Variants in MAPRE3 observed in about 807,000 individuals in gnomAD.
The protein encoded by MAPRE3 is microtubule associated protein RP/EB family member 3.
Under a neutral mutation model 30.5 loss-of-function variants are expected in MAPRE3, and 2 were observed. The observed-to-expected ratio is 0.07, with a 90% CI of 0.03 to 0.21. MAPRE3 has a LOEUF of 0.21. Ranked by LOEUF, MAPRE3 falls within the 10% of genes least tolerant of loss-of-function variation. MAPRE3 has a pLI of 1.00. For synonymous variants in MAPRE3, 110 were observed against 127.7 expected (o/e 0.86, Z 0.93); for missense variants, 204 against 351.8 (o/e 0.58, Z 3.36).
chr2:26,993,031 A>G (rs1296816023), intron 1 of MAPRE3, among the ~76,000 whole-genome samples: 1 of 152,160 alleles, frequency 6.6e-6, no homozygotes, highest in Non-Finnish European at 1.5e-5. Flanking sequence ...TTCTCTGGAA[A>G]TACCATGCAT....
intron 1 of MAPRE3, among the ~76,000 whole-genome samples, chr2:26,988,758 G>T (rs1666268265): frequency 6.6e-6 from 1 of 152,178 alleles, no homozygotes; most frequent in South Asian, 2.1e-4. Flanking sequence ...GTCCCTCTCT[G>T]AGGGTGGCCC....
intron 6 of MAPRE3, 53 bp from the exon 7 acceptor site, chr2:27,026,222 TGAGAA>T: frequency 6.5e-7 from 1 of 1,528,830 alleles, no homozygotes; most frequent in East Asian, 2.3e-5. Context: ...TTACAGAACC[TGAGAA>T]GCCCTGCCTG....
intron 1 of MAPRE3, chr2:27,002,149 G>T (rs1666614523): frequency 6.6e-6 from 1 of 152,180 alleles, no homozygotes; most frequent in Non-Finnish European, 1.5e-5. Flanking sequence ...AAGGAAGAAG[G>T]GTGTTGGGAT....
intron 1 of MAPRE3, chr2:27,012,772 G>A (rs1666890079): frequency 6.6e-6 from 1 of 152,634 alleles, no homozygotes; most frequent in Admixed American, 6.5e-5. Context: ...TTCAGCATCC[G>A]ACTTTCTGGT....
At chr2:26,988,599 C>T (rs1009091348) in intron 1 of MAPRE3, among the ~76,000 whole-genome samples, 4 of 152,202 alleles carry the variant, frequency 2.6e-5, no homozygotes, top group African/African-American at 7.2e-5. Flanking sequence ...AGTCAGTCCA[C>T]TGACTGATTA....
chr2:27,018,427 G>A (rs1045222256), intron 1 of MAPRE3, among the ~76,000 whole-genome samples: 1 of 152,142 alleles, frequency 6.6e-6, no homozygotes, highest in African/African-American at 2.4e-5. Context: ...TGGCCCTGGG[G>A]TCATTCACAT....
rs923403562 is a variant in MAPRE3, at chr2:26,986,012, C to G, written c.-8+15210C>G. ...AATGACCTTTGTTGTTTTCAGCCAC[C>G]CAGTTTGTGGTCATTTGTCACAGTA... On this transcript the variant is annotated intron_variant, in intron 1 of 6. Coordinates refer to ENST00000233121, the MANE Select transcript of MAPRE3 (RefSeq NM_012326.4). The surrounding 1 kb of genome is among the most constrained non-coding windows in gnomAD (Gnocchi z 4.2). Among the ~76,000 whole-genome samples, 12 of 152,130 alleles carry G rather than the reference C, an allele frequency of 7.9e-5. No individual in the cohort carries two copies. The highest frequency in any genetic ancestry group is 2.4e-4 in the African/African-American group (10 of 41,426).
At chr2:26,992,951 C>T (rs1447105754) in intron 1 of MAPRE3, among the ~76,000 whole-genome samples, 1 of 152,148 alleles carries the variant, frequency 6.6e-6, no homozygotes, top group Non-Finnish European at 1.5e-5. Flanking sequence ...ACTTCCATGC[C>T]CTTTTTATAT....
chr2:26,979,836 A>G (rs974882585), intron 1 of MAPRE3, among the ~76,000 whole-genome samples: 2 of 152,198 alleles, frequency 1.3e-5, no homozygotes, highest in Admixed American at 6.5e-5. Flanking sequence ...AAGTTTGAAG[A>G]GACAGTTTGG....
At chr2:27,016,819 C>T (rs923858895) in intron 1 of MAPRE3, among the ~76,000 whole-genome samples, 2 of 152,104 alleles carry the variant, frequency 1.3e-5, no homozygotes, top group African/African-American at 4.8e-5. Flanking sequence ...ATGCAAAAGC[C>T]AATCAGAAGT....
intron 1 of MAPRE3, among the ~76,000 whole-genome samples, chr2:26,975,043 T>C (rs1247916087): frequency 2.0e-5 from 3 of 151,888 alleles, no homozygotes; most frequent in Non-Finnish European, 4.4e-5. Flanking sequence ...AAAACCGGAG[T>C]ATATGAAATG....
chr2:26,980,054 C>T (rs982335128), intron 1 of MAPRE3, among the ~76,000 whole-genome samples: 1 of 151,996 alleles, frequency 6.6e-6, no homozygotes, highest in South Asian at 2.1e-4. Flanking sequence ...AAGACCAGAG[C>T]CCCAAGTAAT....
At chr2:27,020,424 G>C (rs1012481418) in intron 1 of MAPRE3, among the ~76,000 whole-genome samples, 1 of 152,188 alleles carries the variant, frequency 6.6e-6, no homozygotes, top group African/African-American at 2.4e-5. Flanking sequence ...GGAAAACACA[G>C]TCCTTTTGAC....
intron 1 of MAPRE3, chr2:26,995,409 G>C (rs969033907): frequency 6.6e-6 from 1 of 152,140 alleles, no homozygotes; most frequent in Non-Finnish European, 1.5e-5. Flanking sequence ...CTTGCTTCAA[G>C]ACCGAGGCAG....
chr2:26,970,896 C>T (rs1224691823), intron 1 of MAPRE3, 94 bp downstream of exon 1: 1 of 150,962 alleles, frequency 6.6e-6, no homozygotes, highest in Non-Finnish European at 1.5e-5. Context: ...CCCCCCGCCC[C>T]TGCCTCCCCA....
Position 27,024,230 on chromosome 2 carries a change from C to G in MAPRE3, c.402C>G (p.Asp134Glu). Reference sequence around the variant, plus strand: ...CTCTGCTGGCGCGGCAGGGCCAGGACGTAGCGCCACCTCCTAACCCAGGTG... The same window carrying G: ...CTCTGCTGGCGCGGCAGGGCCAGGAGGTAGCGCCACCTCCTAACCCAGGTG... Reference protein sequence around the residue: ...YNPLLARQGQDVAPPPNPGDQ... With the variant: ...YNPLLARQGQEVAPPPNPGDQ... Residue 134 changes from aspartate (D) to glutamate (E), a missense_variant, in exon 4 of 7, where the codon GAC becomes GAG. Asp to Glu is a conservative substitution (Grantham distance 45). Around this residue, in one of 5 missense-constraint regions of MAPRE3, gnomAD observed 101 missense variants for 205.4 expected, o/e 0.49. Coordinates refer to ENST00000233121, the MANE Select transcript of MAPRE3 (RefSeq NM_012326.4). 1.9e-6 allele frequency: 3 copies of G among 1,614,238 alleles called. No homozygotes were observed. Among genetic ancestry groups the G allele is most frequent in the Non-Finnish European group, 2.5e-6 (3 of 1,180,024 alleles).
At chr2:26,999,781 C>T (rs1177640259) in intron 1 of MAPRE3, among the ~76,000 whole-genome samples, 2 of 151,900 alleles carry the variant, frequency 1.3e-5, no homozygotes, top group African/African-American at 2.4e-5. Flanking sequence ...GGATTACAGG[C>T]GTGAGCTACT....
At chr2:27,007,246 G>A (rs1325248117) in intron 1 of MAPRE3, among the ~76,000 whole-genome samples, 1 of 152,204 alleles carries the variant, frequency 6.6e-6, no homozygotes, top group African/African-American at 2.4e-5. Context: ...AGATTGGCAG[G>A]TTGTTGAAGG....
intron 1 of MAPRE3, among the ~76,000 whole-genome samples, chr2:27,005,542 G>A (rs1382106788): frequency 6.6e-6 from 1 of 152,164 alleles, no homozygotes; most frequent in Non-Finnish European, 1.5e-5. Context: ...TGCAAAGCAT[G>A]AACTGCAAAG....
Sources: gnomAD v4.1 joint callset for allele counts (sites outside exome capture counted in the v4.1 genomes callset) on GRCh38, gnomAD v4.1.1 for gene constraint, gnomAD v4.1.1 regional missense constraint, Gnocchi (gnomAD v3.1) non-coding constraint, MANE v1.5 for transcripts, NCBI Gene and HGNC (gene_info 2026-07-23, HGNC 2026-07-21) for gene names.